Variants in MARCHF10 observed in about 807,000 individuals in gnomAD.
The protein encoded by MARCHF10 is membrane associated ring-CH-type finger 10.
A neutral mutation model predicts 76.2 loss-of-function variants in MARCHF10; 64 were observed. The ratio of observed to expected loss-of-function variants is 0.84; its 90% confidence interval spans 0.69 to 1.03. MARCHF10 has a LOEUF of 1.03. Ranked by LOEUF, MARCHF10 falls within the 50% of genes least tolerant of loss-of-function variation. The pLI is 0.00. For synonymous variants in MARCHF10, 340 were observed against 357.5 expected (o/e 0.95, Z 0.55); for missense variants, 875 against 958.0 (o/e 0.91, Z 1.14).
At chr17:62,747,196 G>T (rs1429071714) in intron 4 of MARCHF10, among the ~76,000 whole-genome samples, 1 of 152,198 alleles carries the variant, frequency 6.6e-6, no homozygotes, top group East Asian at 1.9e-4. Context: ...AGTATGATTT[G>T]TGAGGCTTGA....
chr17:62,783,952 G>A lies in MARCHF10; in HGVS notation c.210+4528C>T, dbSNP rs189650149. ...CCGAATTCTACCAGAGGTACAAAGA[G>A]GAGCTGGTACCATTCCTTCTGAATC... On this transcript the variant is annotated intron_variant, in intron 3 of 10. Transcript: ENST00000311269. Among the ~76,000 whole-genome samples, 807 of 152,268 alleles carry A rather than the reference G, an allele frequency of 5.3e-3. 5 individuals are homozygous for A. The highest frequency in any genetic ancestry group is 0.018 in the African/African-American group (766 of 41,540).
intron 6 of MARCHF10, among the ~76,000 whole-genome samples, chr17:62,729,921 C>G (rs933529959): frequency 1.1e-5 from 1 of 94,282 alleles, no homozygotes; most frequent in Non-Finnish European, 2.6e-5. Flanking sequence ...CAGTGGCTCA[C>G]GCCTGTAATC....
Position 62,736,982 on chromosome 17 carries a change from G to A in MARCHF10, c.886C>T (p.Gln296Ter). The change falls in exon 6 of 11, where the codon CAG (glutamine) becomes TAG (stop). Residue 296 changes from glutamine (Q) to a stop codon, truncating the protein, a stop_gained. Transcript: ENST00000311269. LOFTEE classifies it high-confidence loss of function. ...CCAACCCACAGACATTCTTCAGACT[G>A]GGTTTCCTCTTCAGTGTCATCGCTT... ...RESDDTEEET[Q>*]SEECLWVGVR... 6.2e-7 allele frequency: 1 copy of A among 1,614,136 alleles called. No individual in the cohort carries two copies. The highest frequency in any genetic ancestry group is 1.3e-5 in the African/African-American group (1 of 75,030).
intron 6 of MARCHF10, 96 bp downstream of exon 6, chr17:62,735,835 T>C (rs1216885866): frequency 1.7e-6 from 2 of 1,175,156 alleles, no homozygotes; most frequent in Non-Finnish European, 2.4e-6. Flanking sequence ...GAAGGACCCA[T>C]TTATGACTTA....
At chr17:62,784,331 T>A (rs1182681240) in intron 3 of MARCHF10, among the ~76,000 whole-genome samples, 5 of 152,174 alleles carry the variant, frequency 3.3e-5, no homozygotes, top group Non-Finnish European at 7.3e-5. Flanking sequence ...CAACCCCTCA[T>A]GCTAAAAACT....
chr17:62,705,923 G>A (rs1409944831), intron 9 of MARCHF10, among the ~76,000 whole-genome samples: 2 of 152,234 alleles, frequency 1.3e-5, no homozygotes, highest in Non-Finnish European at 2.9e-5. Flanking sequence ...GGTGAAGGCC[G>A]TGCTAATTGG....
At chr17:62,706,824 C>T (rs1174887239) in intron 9 of MARCHF10, among the ~76,000 whole-genome samples, 5 of 152,280 alleles carry the variant, frequency 3.3e-5, no homozygotes, top group African/African-American at 1.2e-4. Flanking sequence ...AGCCAGGACA[C>T]GGGGGATGGG....
At chr17:62,751,313 G>A (rs1236548873) in intron 4 of MARCHF10, among the ~76,000 whole-genome samples, 3 of 152,122 alleles carry the variant, frequency 2.0e-5, no homozygotes, top group African/African-American at 7.2e-5. Context: ...AACGAGACGG[G>A]TGTTTTTTCT....
rs181339395 is a variant in MARCHF10, at chr17:62,767,880, C to T, written c.211-7874G>A. ...GCCCATCTTGAACTGAATCGTTCAGCCCCTGCACCTACTGCCCCACTGCAA... is the reference window on the plus strand; with the variant it reads ...GCCCATCTTGAACTGAATCGTTCAGTCCCTGCACCTACTGCCCCACTGCAA... On this transcript the variant is annotated intron_variant, in intron 3 of 10. Coordinates refer to ENST00000311269, the MANE Select transcript of MARCHF10 (RefSeq NM_152598.4). Among the ~76,000 whole-genome samples, 4 of 152,238 alleles carry T rather than the reference C, an allele frequency of 2.6e-5. No individual in the cohort carries two copies. The East Asian group carries it at 7.7e-4, about 29-fold the overall frequency.
chr17:62,743,242 A>T (rs1329568405), intron 5 of MARCHF10, among the ~76,000 whole-genome samples: 1 of 152,144 alleles, frequency 6.6e-6, no homozygotes, highest in Non-Finnish European at 1.5e-5. Context: ...GATCACTGGG[A>T]CCCTGTGGAC....
rs886527816 is a variant in MARCHF10, at chr17:62,706,584, T to G, written c.2329-1003A>C. ...TTGTAGAAATGATGTGGATAGGAAC[T>G]GGGGTAGGCACAGTCCATCCAGTCT... On this transcript the variant is annotated intron_variant, in intron 9 of 10. Coordinates refer to ENST00000311269, the MANE Select transcript of MARCHF10 (RefSeq NM_152598.4). 4 of 152,204 alleles carry G rather than the reference T, an allele frequency of 2.6e-5. No individual in the cohort carries two copies. In the East Asian group the frequency reaches 7.7e-4, roughly 29 times the overall value. 9.4% of individuals were successfully genotyped at this position (152,204 alleles called of 1,614,324 possible). A position where few individuals can be genotyped will look rare whatever the true frequency, so the allele number is the denominator to read the frequency against.
chr17:62,807,929 T>G (rs1302542689), intron 1 of MARCHF10, 148 bp downstream of exon 1: 1 of 152,230 alleles, frequency 6.6e-6, no homozygotes, highest in Non-Finnish European at 1.5e-5. Flanking sequence ...AGAAAAATGC[T>G]GGGGCTGGGG....
chr17:62,755,921 C>T (rs2092026412), intron 4 of MARCHF10, among the ~76,000 whole-genome samples: 1 of 151,372 alleles, frequency 6.6e-6, no homozygotes, highest in Non-Finnish European at 1.5e-5. Context: ...CAAGACCAGC[C>T]TGGGCAACAA....
Position 62,736,112 on chromosome 17 carries a change from C to T in MARCHF10, c.1756G>A (p.Glu586Lys). The T allele has an allele frequency of 6.2e-7, 1 of 1,614,172 alleles. No homozygotes were observed. The highest frequency in any genetic ancestry group is 1.3e-5 in the African/African-American group (1 of 75,042). ...GACCCAGACACATGCAAATGGCCTT[C>T]TGAGTTCATTCTTGATGGAGAGGAG... is the stretch of plus-strand genomic sequence containing the variant. ...SSSSPSRMNSEGHLHVSGSLQ... is the reference protein window; with the variant it reads ...SSSSPSRMNSKGHLHVSGSLQ... Residue 586 changes from glutamate (E) to lysine (K), a missense_variant, in exon 6 of 11, where the codon GAA becomes AAA. Glu to Lys is a moderately conservative substitution (Grantham distance 56). Coordinates refer to ENST00000311269, the MANE Select transcript of MARCHF10 (RefSeq NM_152598.4).
At chr17:62,726,525 A>C (rs1198667355) in intron 6 of MARCHF10, among the ~76,000 whole-genome samples, 10 of 152,384 alleles carry the variant, frequency 6.6e-5, no homozygotes, top group Non-Finnish European at 1.3e-4. Flanking sequence ...AGTAATCAGG[A>C]AGAACATGTG....
At chr17:62,774,594 A>C (rs949841504) in intron 3 of MARCHF10, among the ~76,000 whole-genome samples, 7 of 152,082 alleles carry the variant, frequency 4.6e-5, no homozygotes, top group African/African-American at 1.7e-4. Context: ...TCTGAGGTGC[A>C]TTTCCTGCGC....
At chr17:62,766,769 T>C (rs1284180424) in intron 3 of MARCHF10, among the ~76,000 whole-genome samples, 2 of 152,202 alleles carry the variant, frequency 1.3e-5, no homozygotes, top group African/African-American at 2.4e-5. Flanking sequence ...AATTGAGATG[T>C]ATCATACGCG....
chr17:62,701,353 C>T lies in MARCHF10; in HGVS notation c.*350G>A, dbSNP rs982585358. On this transcript the variant is annotated 3_prime_UTR_variant, in exon 11 of 11. Transcript: ENST00000311269. ...CAGTTTACTGAATGAATACATGGCT[C>T]GAGTCCATTCAGGGTGGAGTGAGGC... 2.4e-5 allele frequency: 8 copies of T among 335,322 alleles called. No individual in the cohort carries two copies. Among genetic ancestry groups the T allele is most frequent in the Admixed American group, 1.3e-4 (3 of 23,506 alleles). 20.8% of individuals were successfully genotyped at this position (335,322 alleles called of 1,614,324 possible).
chr17:62,735,651 A>C, intron 6 of MARCHF10: 1 of 383,408 alleles, frequency 2.6e-6, no homozygotes, highest in East Asian at 5.5e-5. Flanking sequence ...TGAAGCAGTC[A>C]GAGATCCTTA....
Sources: allele counts gnomAD v4.1 joint callset (sites outside exome capture counted in the v4.1 genomes callset), GRCh38; gene constraint gnomAD v4.1.1; transcripts MANE v1.5; gene names NCBI Gene and HGNC (gene_info 2026-07-23, HGNC 2026-07-21).